Variants in RBFOX1 observed in about 807,000 individuals in gnomAD.
The protein encoded by RBFOX1 is RNA binding fox-1 homolog 1.
A neutral mutation model predicts 57.7 loss-of-function variants in RBFOX1; 8 were observed. The ratio of observed to expected loss-of-function variants is 0.14; its 90% CI spans 0.08 to 0.25. The LOEUF (loss-of-function observed/expected upper bound fraction) is 0.25, where lower values mean the gene tolerates loss of function less well. Among genes scored for constraint, RBFOX1 ranks in the 10% least tolerant of loss-of-function variants. RBFOX1 has a pLI of 1.00. For missense variants in RBFOX1, 611 were observed against 548.5 expected, an observed-to-expected ratio of 1.11 and a Z score of -1.14; for synonymous variants, 326 against 222.4, an observed-to-expected ratio of 1.47 and a Z score of -4.15.
chr16:6,799,811 T>A (rs2154255705), intron 3 of RBFOX1, among the ~76,000 whole-genome samples: 1 of 152,190 alleles, frequency 6.6e-6, no homozygotes, highest in East Asian at 1.9e-4. Context: ...TAGAGGCTCT[T>A]GGGACTTTAG....
At chr16:6,904,158 A>C (rs990630121) in intron 3 of RBFOX1, among the ~76,000 whole-genome samples, 6 of 152,240 alleles carry the variant, frequency 3.9e-5, no homozygotes, top group Non-Finnish European at 8.8e-5. Flanking sequence ...AGGAGAAATG[A>C]AAGCTCTGTG....
At chr16:7,351,724 C>G (rs182204979) in intron 4 of RBFOX1, among the ~76,000 whole-genome samples, 6 of 152,144 alleles carry the variant, frequency 3.9e-5, no homozygotes, top group African/African-American at 1.4e-4. Flanking sequence ...GCCCTAAATA[C>G]CCATGTCCAC....
Position 5,947,651 on chromosome 16 carries a change from C to A in RBFOX1, c.351+80316C>A, listed in dbSNP as rs1037076314. On this transcript the variant is annotated intron_variant, in intron 4 of 19. Transcript: ENST00000641259. This position sits in a 1 kb window ranked among gnomAD's most constrained non-coding sequence, Gnocchi z 7.2. The stretch of plus-strand genomic sequence containing the variant: ...TCGATTTTAGGTATTTTTATGGCAT[C>A]CCTTACCATCTTCCTTCTCTATTGT... Among the ~76,000 whole-genome samples, 4 of 152,132 alleles carry A rather than the reference C, an allele frequency of 2.6e-5. No individual in the cohort carries two copies. In the East Asian group the frequency reaches 7.7e-4, roughly 29 times the overall value.
At chr16:6,985,974 T>G (rs1042584991) in intron 3 of RBFOX1, among the ~76,000 whole-genome samples, 2 of 151,604 alleles carry the variant, frequency 1.3e-5, no homozygotes, top group African/African-American at 4.8e-5. Context: ...CTTTCCAAAC[T>G]TACCGGACGA....
chr16:6,048,764 G>C (rs894053253), intron 1 of RBFOX1, among the ~76,000 whole-genome samples: 1 of 152,170 alleles, frequency 6.6e-6, no homozygotes, highest in African/African-American at 2.4e-5. Context: ...TAAGAGGTAG[G>C]TATGGTTTTC....
intron 3 of RBFOX1, among the ~76,000 whole-genome samples, chr16:5,836,763 A>C (rs2056471384): frequency 6.6e-6 from 1 of 152,142 alleles, no homozygotes; most frequent in African/African-American, 2.4e-5. Context: ...CCTCACGCCC[A>C]GTTGTGACAA....
At chr16:7,127,913 T>G (rs2069039044) in intron 4 of RBFOX1, among the ~76,000 whole-genome samples, 1 of 152,218 alleles carries the variant, frequency 6.6e-6, no homozygotes, top group South Asian at 2.1e-4. Flanking sequence ...GCACCTGGTC[T>G]TTTGTTTAGA....
intron 2 of RBFOX1, among the ~76,000 whole-genome samples, chr16:6,434,243 T>C (rs1395696776): frequency 6.6e-6 from 1 of 152,188 alleles, no homozygotes; most frequent in East Asian, 1.9e-4. Flanking sequence ...ATCTGCAAAG[T>C]CCATTTGGCT....
intron 2 of RBFOX1, among the ~76,000 whole-genome samples, chr16:6,395,361 T>C (rs973689193): frequency 2.0e-5 from 3 of 152,220 alleles, no homozygotes; most frequent in African/African-American, 7.2e-5. Flanking sequence ...TTATACTTCT[T>C]CTTAGTCTTT....
intron 4 of RBFOX1, among the ~76,000 whole-genome samples, chr16:5,881,658 T>C (rs1597620606): frequency 6.6e-6 from 1 of 152,040 alleles, no homozygotes; most frequent in Non-Finnish European, 1.5e-5. Context: ...CCAGCCTGGG[T>C]GACAGAGCAA....
intron 3 of RBFOX1, among the ~76,000 whole-genome samples, chr16:6,713,796 C>T (rs530795529): frequency 2.2e-4 from 34 of 152,116 alleles, no homozygotes; most frequent in Non-Finnish European, 4.7e-4. Flanking sequence ...TTGACACCAC[C>T]TTCTGGAAAA....
chr16:5,868,517 C>G (rs1314005646), intron 4 of RBFOX1, among the ~76,000 whole-genome samples: 3 of 152,212 alleles, frequency 2.0e-5, no homozygotes, highest in Admixed American at 2.0e-4. Flanking sequence ...CAGATTCTCG[C>G]AGGATTCTGC....
At chr16:6,941,928 C>T (rs55643807) in intron 3 of RBFOX1, among the ~76,000 whole-genome samples, 1,943 of 152,240 alleles carry the variant, frequency 0.013, 39 homozygotes, top group African/African-American at 0.044. Context: ...CCGCTTCAGT[C>T]TCCCAAGTAG....
In RBFOX1 at chr16:6,666,841, C is replaced by A. The variant is rs933817054; in HGVS notation, c.-16+12191C>A. On this transcript the variant is annotated intron_variant, in intron 3 of 15. Coordinates refer to ENST00000550418, the MANE Select transcript of RBFOX1 (RefSeq NM_018723.4). ...GATATATCTCTGCATTGAATTTCCTCCCAATTACTCAGCCTAAGGTATTAT... is the reference window on the plus strand; with the variant it reads ...GATATATCTCTGCATTGAATTTCCTACCAATTACTCAGCCTAAGGTATTAT... 3.9e-5 allele frequency among the ~76,000 whole-genome samples: 6 copies of A among 152,096 alleles called. No individual in the cohort carries two copies. The East Asian group carries it at 9.7e-4, about 25-fold the overall frequency.
chr16:6,464,746 C>A (rs868704904), intron 2 of RBFOX1, among the ~76,000 whole-genome samples: 25 of 152,324 alleles, frequency 1.6e-4, no homozygotes, highest in African/African-American at 5.8e-4. Flanking sequence ...GGATCATATG[C>A]AAAACATTTA....
At chr16:5,954,723 T>G (rs2059589079) in intron 4 of RBFOX1, among the ~76,000 whole-genome samples, 2 of 152,154 alleles carry the variant, frequency 1.3e-5, no homozygotes, top group Non-Finnish European at 2.9e-5. Flanking sequence ...AGCTATTATT[T>G]CATCTCTGCC....
rs576830622 is a variant in RBFOX1 at position 6,202,892 on chromosome 16, C to T, written c.-126-114103C>T. ...AGCTCAAATATTCCTCCTGCCTCAG[C>T]CTCCCAAGTAGCTGGGACTACAGGT... On this transcript the variant is annotated intron_variant, in intron 1 of 15. Transcript: ENST00000550418. 3.9e-5 allele frequency among the ~76,000 whole-genome samples: 6 copies of T among 152,228 alleles called. No homozygotes were observed. In the South Asian group the frequency reaches 1.0e-3, roughly 26 times the overall value.
intron 4 of RBFOX1, among the ~76,000 whole-genome samples, chr16:5,915,887 T>TA (rs1001427256): frequency 1.8e-4 from 27 of 152,246 alleles, no homozygotes; most frequent in Admixed American, 3.9e-4. Context: ...TCATAAGCCT[T>TA]AAAAAATGTC....
intron 3 of RBFOX1, among the ~76,000 whole-genome samples, chr16:5,783,736 G>T (rs551554704): frequency 5.3e-5 from 8 of 152,174 alleles, no homozygotes; most frequent in Non-Finnish European, 7.3e-5. Context: ...CTGCTGATGT[G>T]CCAAAACTTA....
Sources: gnomAD v4.1 joint callset for allele counts (sites outside exome capture counted in the v4.1 genomes callset) on GRCh38, gnomAD v4.1.1 for gene constraint, Gnocchi (gnomAD v3.1) non-coding constraint, MANE v1.5 for transcripts, NCBI Gene and HGNC (gene_info 2026-07-23, HGNC 2026-07-21) for gene names.